MPP4: variants seen among roughly 807,000 people sequenced by gnomAD.
The protein encoded by MPP4 is MAGUK p55 subfamily member 4.
Under a neutral mutation model 98.3 loss-of-function variants are expected in MPP4, and 91 were observed. The observed-to-expected ratio is 0.93, with a 90% confidence interval of 0.78 to 1.10. The LOEUF (loss-of-function observed/expected upper bound fraction) is 1.10. Ranked by LOEUF, MPP4 falls within the 50% of genes least tolerant of loss-of-function variation. MPP4 has a pLI of 0.00. For missense variants in MPP4, 744 were observed against 792.9 expected (o/e 0.94, Z 0.74); for synonymous variants, 261 against 271.8 (o/e 0.96, Z 0.39).
At chr2:201,660,828 C>T (rs7584026) in intron 14 of MPP4, among the ~76,000 whole-genome samples, 42,391 of 151,950 alleles carry the variant, frequency 0.28, 6,472 homozygotes, top group African/African-American at 0.4. Context: ...GTCTCACACA[C>T]TTCCATCCCC....
chr2:201,645,691 C>T lies in MPP4; in HGVS notation c.1720-287G>A, dbSNP rs115785499. On this transcript the variant is annotated intron_variant, in intron 21 of 21. Coordinates refer to ENST00000409474, the MANE Select transcript of MPP4 (RefSeq NM_033066.3). The stretch of plus-strand genomic sequence containing the variant: ...TTTTTTAGACAGGGTCCCACTCTGT[C>T]CCAGGCTGGCATGCAGTAGGATCAT... Among the ~76,000 whole-genome samples the T allele has an allele frequency of 6.0e-3, 918 of 151,834 alleles. 5 individuals carry two copies. The highest frequency in any genetic ancestry group is 8.3e-3 in the Non-Finnish European group (564 of 67,972).
intron 11 of MPP4, among the ~76,000 whole-genome samples, chr2:201,672,261 A>C (rs1424757708): frequency 2.0e-5 from 3 of 152,244 alleles, no homozygotes; most frequent in African/African-American, 4.8e-5. Context: ...TTAGAAGGAA[A>C]TTTAGAGCAC....
At position 201,645,413 on chromosome 2, in the gene MPP4, G is replaced by A. The variant is rs2105907202; in HGVS notation, c.1720-9C>T. 6.2e-7 allele frequency: 1 copy of A among 1,612,282 alleles called. No individual in the cohort carries two copies. The highest frequency in any genetic ancestry group is 8.5e-7 in the Non-Finnish European group (1 of 1,178,694). ...TCTTGTAGGTCTTCATCCTTTAGGAGAAATAGAAAAATATGGATAGTACAG... is the reference window on the plus strand; with the variant it reads ...TCTTGTAGGTCTTCATCCTTTAGGAAAAATAGAAAAATATGGATAGTACAG... On this transcript the variant is annotated splice_polypyrimidine_tract_variant and intron_variant, in intron 21 of 21. Coordinates refer to ENST00000409474, the MANE Select transcript of MPP4 (RefSeq NM_033066.3).
At chr2:201,650,863 A>G (rs1391321888) in intron 18 of MPP4, 56 of 985,278 alleles carry the variant, frequency 5.7e-5, no homozygotes, top group Non-Finnish European at 6.6e-5. Context: ...ATTCTTTGAT[A>G]TGGCCACTTT....
At chr2:201,660,491 G>C (rs191425674) in intron 14 of MPP4, 145 bp from the exon 15 acceptor site, 9 of 842,692 alleles carry the variant, frequency 1.1e-5, no homozygotes, top group Non-Finnish European at 1.8e-5. Flanking sequence ...GGCCTGGCAA[G>C]GCAAATGATC....
In MPP4 at chr2:201,681,480, C is replaced by T; in HGVS notation, c.732+16G>A. On this transcript the variant is annotated intron_variant, in intron 9 of 21. Transcript: ENST00000409474. ...GATTTACTGTGTGTGAGATTGAAGG[C>T]TCAGTAAATTCTTACCATCTGCTGG... is the stretch of plus-strand genomic sequence containing the variant. 6.2e-7 allele frequency: 1 copy of T among 1,601,622 alleles called. No individual in the cohort carries two copies. The highest frequency in any genetic ancestry group is 1.1e-5 in the South Asian group (1 of 90,672).
In MPP4 at chr2:201,690,183, T is replaced by G; in HGVS notation, c.279+19A>C. 1 of 1,568,366 alleles carries G rather than the reference T, an allele frequency of 6.4e-7. No homozygotes were observed. The highest frequency in any genetic ancestry group is 8.7e-7 in the Non-Finnish European group (1 of 1,143,962). The stretch of plus-strand genomic sequence containing the variant: ...ACCACATCAGAGCTCTACTATCCTG[T>G]GGAATAAAATCTCCTTACCTCATAG... On this transcript the variant is annotated intron_variant, in intron 4 of 21. Transcript: ENST00000409474.
rs1688647331 is a variant in MPP4 at position 201,680,936 on chromosome 2, C to CT, written c.830dup (p.Ile278AspfsTer6). ...AGAGGGCATCATTCTGGTCCACAAT[C>CT]TGGAGGATGTCCCCCTTCTGGAAAG... On this transcript the variant is annotated frameshift_variant, in exon 10 of 22. Transcript: ENST00000409474. LOFTEE classifies it high-confidence loss of function. 6.2e-7 allele frequency: 1 copy of CT among 1,613,760 alleles called. No homozygotes were observed. The highest frequency in any genetic ancestry group is 1.3e-5 in the African/African-American group (1 of 74,904).
chr2:201,677,279 G>A (rs1471479293), intron 10 of MPP4, among the ~76,000 whole-genome samples: 2 of 152,024 alleles, frequency 1.3e-5, no homozygotes, highest in African/African-American at 2.4e-5. Flanking sequence ...TGTTCCCTCT[G>A]GGGGAAACTC....
At chr2:201,672,323 C>G (rs1191686435) in intron 11 of MPP4, among the ~76,000 whole-genome samples, 1 of 152,088 alleles carries the variant, frequency 6.6e-6, no homozygotes, top group Non-Finnish European at 1.5e-5. Flanking sequence ...ACCCTAACAT[C>G]ACAATTAAAA....
intron 18 of MPP4, chr2:201,652,183 G>T (rs2105912759): frequency 5.5e-6 from 1 of 181,312 alleles, no homozygotes; most frequent in Non-Finnish European, 1.1e-5. Flanking sequence ...TCCTGGCCGG[G>T]TGTGGTGGCT....
chr2:201,648,742 C>G (rs890973707), intron 20 of MPP4, among the ~76,000 whole-genome samples: 4 of 152,200 alleles, frequency 2.6e-5, no homozygotes, highest in African/African-American at 7.2e-5. Context: ...TTCTCTAGCA[C>G]ACAAAGTATA....
chr2:201,666,081 G>C, intron 13 of MPP4: 1 of 340,632 alleles, frequency 2.9e-6, no homozygotes. Context: ...GAGTTACTAA[G>C]TGTTCTTGAG....
rs1309544718 is a variant in MPP4 at position 201,658,491 on chromosome 2, T to G, written c.1115A>C (p.Gln372Pro). The G allele has an allele frequency of 1.9e-6, 3 of 1,613,312 alleles. No homozygotes were observed. The highest frequency in any genetic ancestry group is 2.5e-6 in the Non-Finnish European group (3 of 1,179,640). The change falls in exon 16 of 22, where the codon CAG (glutamine) becomes CCG (proline). Residue 372 changes from glutamine to proline, a missense_variant. By Grantham distance (76) the Gln-to-Pro change is moderately conservative. Transcript: ENST00000409474. ...TTATCACCTACCTATAAAGAACTTC[T>G]GACCGTAGCCAACAAACTCCTCCTT... is the stretch of plus-strand genomic sequence containing the variant. ...EDKEEFVGYG[Q>P]KFFIAGFRRS...
intron 11 of MPP4, among the ~76,000 whole-genome samples, chr2:201,672,463 G>T (rs1431911973): frequency 2.0e-5 from 3 of 152,056 alleles, no homozygotes; most frequent in African/African-American, 4.8e-5. Flanking sequence ...TTCAGGAGCT[G>T]GATTTTTGAA....
chr2:201,685,442 AT>A (rs1260028924), intron 6 of MPP4, among the ~76,000 whole-genome samples: 1 of 152,214 alleles, frequency 6.6e-6, no homozygotes, highest in African/African-American at 2.4e-5. Context: ...CTGGAGTCTC[AT>A]TTCAACCACA....
chr2:201,658,938 T>C (rs1191276064), intron 15 of MPP4, among the ~76,000 whole-genome samples: 1 of 152,144 alleles, frequency 6.6e-6, no homozygotes, highest in Admixed American at 6.5e-5. Flanking sequence ...CTGTTGTTGC[T>C]CACTCTGGAG....
chr2:201,676,927 C>CT (rs1688522079), intron 10 of MPP4, among the ~76,000 whole-genome samples: 2 of 152,256 alleles, frequency 1.3e-5, no homozygotes, highest in South Asian at 4.2e-4. Flanking sequence ...AAAAGTAAGG[C>CT]TTCTTCCCTT....
intron 14 of MPP4, among the ~76,000 whole-genome samples, chr2:201,662,770 C>T (rs1332635977): frequency 6.6e-6 from 1 of 151,920 alleles, no homozygotes; most frequent in Non-Finnish European, 1.5e-5. Flanking sequence ...AAGAAAATTG[C>T]CTTAATTGGG....
Sources: gnomAD v4.1 joint callset for allele counts (sites outside exome capture counted in the v4.1 genomes callset) on GRCh38, gnomAD v4.1.1 for gene constraint, MANE v1.5 for transcripts, NCBI Gene and HGNC (gene_info 2026-07-23, HGNC 2026-07-21) for gene names.